CCDC88C: variants seen among roughly 807,000 people sequenced by gnomAD.
CCDC88C encodes the protein coiled-coil and HOOK domain protein 88C, also known as protein Daple.
In CCDC88C, 131 loss-of-function variants were observed where a neutral mutation model predicts 198.8. That is an observed-to-expected ratio of 0.66 (90% CI 0.57 to 0.76). The LOEUF is 0.76. Ranked by LOEUF, CCDC88C falls within the 30% of genes least tolerant of loss-of-function variation. The pLI is 0.00. For missense variants in CCDC88C, 2,553 were observed against 2,631.6 expected (o/e 0.97, Z 0.65); for synonymous variants, 1,166 against 1,114.7 (o/e 1.05, Z -0.92).
At position 91,273,666 on chromosome 14, in the gene CCDC88C, G is replaced by C. The variant is rs752001413; in HGVS notation, c.5059-13C>G. ...AACTGGGAGTGTCCTACGGAGAAGA[G>C]AGTGAAGGTTGGAGGTGGGCATGAG... On this transcript the variant is annotated splice_polypyrimidine_tract_variant and intron_variant, in intron 29 of 29. Coordinates refer to ENST00000389857, the MANE Select transcript of CCDC88C (RefSeq NM_001080414.4). This position sits in a 1 kb window ranked among gnomAD's most constrained non-coding sequence, Gnocchi z 5.6. The C allele has an allele frequency of 2.8e-6, 4 of 1,447,914 alleles. No homozygotes were observed. Among genetic ancestry groups the C allele is most frequent in the Non-Finnish European group, 3.6e-6 (4 of 1,097,674 alleles). 89.7% of individuals were successfully genotyped at this position (1,447,914 alleles called of 1,614,324 possible).
At chr14:91,391,840 T>A (rs1885524453) in intron 3 of CCDC88C, among the ~76,000 whole-genome samples, 1 of 151,994 alleles carries the variant, frequency 6.6e-6, no homozygotes, top group African/African-American at 2.4e-5. Context: ...TTCCTGAGTG[T>A]ACTATATTCC....
intron 3 of CCDC88C, among the ~76,000 whole-genome samples, chr14:91,389,206 G>A (rs1338613999): frequency 6.6e-6 from 1 of 152,140 alleles, no homozygotes; most frequent in Non-Finnish European, 1.5e-5. Context: ...TTACAAACCA[G>A]GGAGGGACAG....
Position 91,272,465 on chromosome 14 carries a change from C to A in CCDC88C, c.*160G>T. ...GAAGCGTAATCCTCTTGGGGCTTGGCACAGTGTTTCCATTCACAGAACAAA... is the reference window on the plus strand; with the variant it reads ...GAAGCGTAATCCTCTTGGGGCTTGGAACAGTGTTTCCATTCACAGAACAAA... On this transcript the variant is annotated 3_prime_UTR_variant, in exon 30 of 30. Coordinates refer to ENST00000389857, the MANE Select transcript of CCDC88C (RefSeq NM_001080414.4). 2.8e-6 allele frequency: 2 copies of A among 725,642 alleles called. No individual in the cohort carries two copies. The highest frequency in any genetic ancestry group is 2.2e-6 in the Non-Finnish European group (1 of 448,328). The allele number at this position is 725,642 out of a possible 1,614,324, so 45.0% of individuals were successfully genotyped here.
At chr14:91,286,669 C>T (rs933322009) in intron 25 of CCDC88C, among the ~76,000 whole-genome samples, 6 of 152,212 alleles carry the variant, frequency 3.9e-5, no homozygotes, top group Non-Finnish European at 5.9e-5. Context: ...GAATAAGGGA[C>T]CAACTTATTC....
At chr14:91,364,994 C>T (rs1156314567) in intron 3 of CCDC88C, among the ~76,000 whole-genome samples, 5 of 152,166 alleles carry the variant, frequency 3.3e-5, no homozygotes, top group South Asian at 2.1e-4. Context: ...GACATCAGAT[C>T]GTAGCGGCGC....
chr14:91,401,897 T>C (rs2140002581), intron 3 of CCDC88C, among the ~76,000 whole-genome samples: 1 of 152,320 alleles, frequency 6.6e-6, no homozygotes, highest in Non-Finnish European at 1.5e-5. Flanking sequence ...CTAAACCCTC[T>C]AGACCACACA....
chr14:91,387,458 A>G (rs1387778635), intron 3 of CCDC88C, among the ~76,000 whole-genome samples: 1 of 152,184 alleles, frequency 6.6e-6, no homozygotes, highest in African/African-American at 2.4e-5. Context: ...CACACACGAT[A>G]TAGACAAAAC....
intron 3 of CCDC88C, among the ~76,000 whole-genome samples, chr14:91,360,512 T>C (rs1349438161): frequency 6.6e-6 from 1 of 152,206 alleles, no homozygotes; most frequent in Non-Finnish European, 1.5e-5. Flanking sequence ...TCTAATCTGA[T>C]GGTTCAGGAT....
rs1396400378 is a variant in CCDC88C at position 91,273,016 on chromosome 14, AG to A, written c.5695del (p.Leu1899CysfsTer166). ...APPKEERLAP[L>X]HQSATAPAIA... ...GGCGGGGGCTGTGGCAGACTGATGCAGGGGGGCCAGCCTCTCCTCCTTTGGG... is the reference window on the plus strand; with the variant it reads ...GGCGGGGGCTGTGGCAGACTGATGCAGGGGGCCAGCCTCTCCTCCTTTGGG... On this transcript the variant is annotated frameshift_variant, in exon 30 of 30. Coordinates refer to ENST00000389857, the MANE Select transcript of CCDC88C (RefSeq NM_001080414.4). LOFTEE classifies it low-confidence loss of function (END_TRUNC). This position sits in a 1 kb window ranked among gnomAD's most constrained non-coding sequence, Gnocchi z 5.6. 6 of 1,553,666 alleles carry A rather than the reference AG, an allele frequency of 3.9e-6. No individual in the cohort carries two copies. The highest frequency in any genetic ancestry group is 5.2e-6 in the Non-Finnish European group (6 of 1,154,626).
chr14:91,302,475 T>C (rs955038600), intron 20 of CCDC88C, among the ~76,000 whole-genome samples: 11 of 152,200 alleles, frequency 7.2e-5, no homozygotes, highest in Non-Finnish European at 1.3e-4. Flanking sequence ...TGCCATGCCC[T>C]GCGCAGGTGC....
At chr14:91,376,115 G>A (rs968266249) in intron 3 of CCDC88C, among the ~76,000 whole-genome samples, 7 of 151,284 alleles carry the variant, frequency 4.6e-5, no homozygotes, top group African/African-American at 1.7e-4. Flanking sequence ...TTTAGGCTGT[G>A]GCAGCCAGGA....
chr14:91,294,046 T>A, intron 23 of CCDC88C, 127 bp downstream of exon 23: 1 of 999,444 alleles, frequency 1.0e-6, no homozygotes, highest in Non-Finnish European at 1.5e-6. Context: ...GATCGGTCTG[T>A]GCCCTGCCCT....
intron 21 of CCDC88C, among the ~76,000 whole-genome samples, chr14:91,298,958 T>C (rs1004641586): frequency 6.6e-6 from 1 of 152,254 alleles, no homozygotes; most frequent in Non-Finnish European, 1.5e-5. Flanking sequence ...TGTTTCCTCA[T>C]CTGTTAAAAA....
At chr14:91,373,971 G>A (rs185701708) in intron 3 of CCDC88C, among the ~76,000 whole-genome samples, 94 of 152,234 alleles carry the variant, frequency 6.2e-4, no homozygotes, top group Middle Eastern at 6.8e-3. Context: ...CCCCTCTCTC[G>A]TGTCCCTGCC....
Position 91,299,931 on chromosome 14 carries a change from C to T in CCDC88C, c.3775G>A (p.Asp1259Asn). ...GGGCCGGGCGCCGGCGCTCACCTGTCCAGCTCGCCCCGCAGCCTCTGGTTC... is the reference window on the plus strand; with the variant it reads ...GGGCCGGGCGCCGGCGCTCACCTGTTCAGCTCGCCCCGCAGCCTCTGGTTC... Reference protein sequence around the residue: ...GENQRLRGELDRVNFLHHQLK... With the variant: ...GENQRLRGELNRVNFLHHQLK... Residue 1259 changes from aspartate to asparagine, a missense_variant, in exon 21 of 30, where the codon GAC (aspartate) becomes AAC (asparagine). Physicochemically the swap from Asp to Asn is conservative, Grantham distance 23 (BLOSUM62 1). Coordinates refer to ENST00000389857, the MANE Select transcript of CCDC88C (RefSeq NM_001080414.4). 6.3e-7 allele frequency: 1 copy of T among 1,586,072 alleles called. No homozygotes were observed. The highest frequency in any genetic ancestry group is 1.3e-5 in the African/African-American group (1 of 74,846).
chr14:91,387,501 A>G (rs992300342), intron 3 of CCDC88C, among the ~76,000 whole-genome samples: 1 of 152,186 alleles, frequency 6.6e-6, no homozygotes, highest in Non-Finnish European at 1.5e-5. Context: ...GTTGCCGCCT[A>G]TAAGAGCTCT....
Position 91,417,657 on chromosome 14 carries a change from A to G in CCDC88C, c.34T>C (p.Phe12Leu), listed in dbSNP as rs1180086264. 9 of 1,589,090 alleles carry G rather than the reference A, an allele frequency of 5.7e-6. No homozygotes were observed. The highest frequency in any genetic ancestry group is 7.7e-6 in the Non-Finnish European group (9 of 1,170,550). ...CAGGTCACCAGCGGGCTCTGCAGGAAGAGCTCCAGGAGCTCCGAGACTGTC... is the reference window on the plus strand; with the variant it reads ...CAGGTCACCAGCGGGCTCTGCAGGAGGAGCTCCAGGAGCTCCGAGACTGTC... ...DVTVSELLEL[F>L]LQSPLVTWVK... The change falls in exon 1 of 30, where the codon TTC (phenylalanine) becomes CTC (leucine). Residue 12 changes from phenylalanine to leucine, a missense_variant. Coordinates refer to ENST00000389857, the MANE Select transcript of CCDC88C (RefSeq NM_001080414.4).
At chr14:91,293,203 C>T (rs555152217) in intron 23 of CCDC88C, among the ~76,000 whole-genome samples, 2 of 137,766 alleles carry the variant, frequency 1.5e-5, no homozygotes, top group Admixed American at 7.5e-5. Context: ...CCTTCCTGTC[C>T]CCTCACCTGC....
rs370632790 is a variant in CCDC88C at position 91,303,967 on chromosome 14, G to T, written c.3369C>A (p.Ser1123=). 161 of 1,602,062 alleles carry T rather than the reference G, an allele frequency of 1.0e-4. No homozygotes were observed. In the African/African-American group the frequency reaches 1.9e-3, roughly 19 times the overall value. Residue 1123 remains serine, a synonymous_variant, in exon 20 of 30, where the codon TCC becomes TCA. Transcript: ENST00000389857. ...GCGCTGCGCTCTGGGAACTCAGCGT[G>T]GAGTTCTCCACCTGCCGAGAGGGAG... ...TQTAKLQVEN[S]TLSSQSAALT... is the part of the protein sequence containing the mutation.
Sources: gnomAD v4.1 joint callset for allele counts (sites outside exome capture counted in the v4.1 genomes callset) on GRCh38, gnomAD v4.1.1 for gene constraint, Gnocchi (gnomAD v3.1) non-coding constraint, MANE v1.5 for transcripts, NCBI Gene and HGNC (gene_info 2026-07-23, HGNC 2026-07-21) for gene names.